Variants in MAP3K3 observed in about 807,000 individuals in gnomAD.
The protein encoded by MAP3K3 is MAP/ERK kinase kinase 3.
Under a neutral mutation model 80.9 loss-of-function variants are expected in MAP3K3, and 12 were observed. The observed-to-expected ratio is 0.15, with a 90% confidence interval of 0.10 to 0.24. The LOEUF is 0.24. Ranked by LOEUF, MAP3K3 falls within the 10% of genes least tolerant of loss-of-function variation. The pLI is 1.00. For missense variants in MAP3K3, 596 were observed against 834.7 expected (o/e 0.71, Z 3.52); for synonymous variants, 272 against 307.1 (o/e 0.89, Z 1.19).
intron 1 of MAP3K3, among the ~76,000 whole-genome samples, chr17:63,627,981 C>T (rs1196679848): frequency 2.0e-5 from 3 of 151,756 alleles, no homozygotes; most frequent in Admixed American, 6.6e-5. Context: ...TCTTGGCTCA[C>T]TGCAACCTCT....
At chr17:63,647,159 C>T (rs976310741) in intron 3 of MAP3K3, among the ~76,000 whole-genome samples, 2 of 152,164 alleles carry the variant, frequency 1.3e-5, no homozygotes, top group African/African-American at 4.8e-5. Flanking sequence ...CATTCACAAG[C>T]CTACAAGGTT....
chr17:63,691,924 C>T lies in MAP3K3; in HGVS notation c.1474+62C>T. On this transcript the variant is annotated intron_variant, in intron 14 of 15. Transcript: ENST00000361733. The surrounding 1 kb of genome is among the most constrained non-coding windows in gnomAD (Gnocchi z 4.8). ...TGGGTTCAAGTCTACCATTGAGTGC[C>T]TGCAGGGGCCAATCACTTAACCATT... The T allele has an allele frequency of 6.4e-7, 1 of 1,551,926 alleles. No individual in the cohort carries two copies. The highest frequency in any genetic ancestry group is 8.8e-7 in the Non-Finnish European group (1 of 1,130,512).
intron 6 of MAP3K3, among the ~76,000 whole-genome samples, chr17:63,676,959 A>G (rs551129170): frequency 2.1e-4 from 32 of 152,368 alleles, no homozygotes; most frequent in Middle Eastern, 6.8e-3. Context: ...GCTTTTAGCC[A>G]GTTAGCTTCT....
At chr17:63,628,897 C>T (rs2034161069) in intron 1 of MAP3K3, among the ~76,000 whole-genome samples, 1 of 152,074 alleles carries the variant, frequency 6.6e-6, no homozygotes, top group Non-Finnish European at 1.5e-5. Flanking sequence ...TAATAATAGC[C>T]AGCATTTTTT....
At chr17:63,655,958 G>A (rs533388703) in intron 4 of MAP3K3, among the ~76,000 whole-genome samples, 10 of 152,196 alleles carry the variant, frequency 6.6e-5, no homozygotes, top group South Asian at 2.1e-4. Context: ...GGCGAGGCGC[G>A]ATGGTTCATG....
At chr17:63,632,907 T>C in intron 2 of MAP3K3, 105 bp downstream of exon 2, 1 of 1,430,522 alleles carries the variant, frequency 7.0e-7, no homozygotes, top group Non-Finnish European at 9.5e-7. Flanking sequence ...GTTGAATGCT[T>C]TTGACCCCTT....
At chr17:63,671,260 CTTTT>C (rs56093750) in intron 6 of MAP3K3, among the ~76,000 whole-genome samples, 1 of 141,158 alleles carries the variant, frequency 7.1e-6, no homozygotes. Context: ...AAATTATTTT[CTTTT>C]TTTTTTTTTT....
chr17:63,675,714 C>T (rs182058711), intron 6 of MAP3K3, among the ~76,000 whole-genome samples: 2 of 152,298 alleles, frequency 1.3e-5, no homozygotes, highest in Non-Finnish European at 2.9e-5. Flanking sequence ...CTACTGTGCT[C>T]CTTTGCTTCA....
In MAP3K3 at chr17:63,693,494, G is replaced by A. The variant is rs565159894; in HGVS notation, c.1653-55G>A. 1 of 1,498,708 alleles carries A rather than the reference G, an allele frequency of 6.7e-7. No homozygotes were observed. 92.8% of individuals were successfully genotyped at this position (1,498,708 alleles called of 1,614,324 possible). ...CGCCTCTTTCTGCAGTGGTGGGCAG[G>A]ACAGCTGGGAGTCCAGGGCTGGCTG... On this transcript the variant is annotated intron_variant, in intron 15 of 15. Transcript: ENST00000361733. The surrounding 1 kb of genome is among the most constrained non-coding windows in gnomAD (Gnocchi z 4.2).
chr17:63,661,741 T>C (rs78369934), intron 5 of MAP3K3, among the ~76,000 whole-genome samples: 5,838 of 152,274 alleles, frequency 0.038, 188 homozygotes, highest in Non-Finnish European at 0.059. Flanking sequence ...CCTTGTAAAA[T>C]AGTGGGACAG....
intron 5 of MAP3K3, among the ~76,000 whole-genome samples, chr17:63,660,058 A>T (rs531278794): frequency 1.4e-4 from 22 of 152,182 alleles, no homozygotes; most frequent in Non-Finnish European, 2.6e-4. Flanking sequence ...CCCAGATATC[A>T]TACCTTAAGT....
rs1025355201 is a variant in MAP3K3 at position 63,666,852 on chromosome 17, C to T, written c.382-88C>T. 6 of 1,478,142 alleles carry T rather than the reference C, an allele frequency of 4.1e-6. No homozygotes were observed. In the African/African-American group the frequency reaches 8.5e-5, roughly 21 times the overall value. The allele number at this position is 1,478,142 out of a possible 1,614,324, so 91.6% of individuals were successfully genotyped here. ...AAAAGCATGAAGGTGGCTGAGCCTG[C>T]AGGGAGTCCTTAGGAAAAGGGTGAG... On this transcript the variant is annotated intron_variant, in intron 5 of 15. Transcript: ENST00000361733.
chr17:63,679,355 A>T (rs191076010), intron 6 of MAP3K3, among the ~76,000 whole-genome samples: 5 of 151,986 alleles, frequency 3.3e-5, no homozygotes, highest in Admixed American at 1.3e-4. Flanking sequence ...TGTCAGGCCC[A>T]CCCTCTTTTC....
In MAP3K3 at chr17:63,664,108, G is replaced by A. The variant is rs781191575; in HGVS notation, c.382-2832G>A. 2.0e-4 allele frequency among the ~76,000 whole-genome samples: 30 copies of A among 151,696 alleles called. 1 individual carries two copies. Among genetic ancestry groups the A allele is most frequent in the South Asian group, 1.0e-3 (5 of 4,812 alleles). The stretch of plus-strand genomic sequence containing the variant: ...ATACAAAAAAAAAAAATAGCCGGGC[G>A]TGGTAGCGGGCGCCTGTAGTCCCAG... On this transcript the variant is annotated intron_variant, in intron 5 of 15. Transcript: ENST00000361733.
Position 63,637,068 on chromosome 17 carries a change from A to C in MAP3K3, c.126+4266A>C. The C allele has an allele frequency of 2.4e-5, 12 of 499,504 alleles. No individual in the cohort carries two copies. The South Asian group carries it at 2.6e-4, about 11-fold the overall frequency. 30.9% of individuals were successfully genotyped at this position (499,504 alleles called of 1,614,324 possible). A position where few individuals can be genotyped will look rare whatever the true frequency, so the allele number is the denominator to read the frequency against. ...CTGGAAGAGGAGATTACCAAGTTTG[A>C]GAGCGTGTGTAGAGTGTCGATGTTG... On this transcript the variant is annotated intron_variant, in intron 2 of 15. Transcript: ENST00000361733.
At chr17:63,687,676 C>T (rs530925524) in intron 8 of MAP3K3, among the ~76,000 whole-genome samples, 8 of 148,730 alleles carry the variant, frequency 5.4e-5, no homozygotes, top group African/African-American at 1.5e-4. Flanking sequence ...GGCGACAGAG[C>T]GAGACTCCAT....
chr17:63,690,054 C>T (rs1598123900), intron 11 of MAP3K3: 1 of 610,850 alleles, frequency 1.6e-6, no homozygotes. Flanking sequence ...ACCATGACTT[C>T]AGCCAATCCT....
At chr17:63,625,639 G>C (rs2034085306) in intron 1 of MAP3K3, among the ~76,000 whole-genome samples, 1 of 152,156 alleles carries the variant, frequency 6.6e-6, no homozygotes, top group Admixed American at 6.5e-5. Flanking sequence ...ATTCAGTTTG[G>C]CTAGAATCTG....
intron 2 of MAP3K3, among the ~76,000 whole-genome samples, chr17:63,638,576 G>A (rs532984860): frequency 1.3e-5 from 2 of 152,262 alleles, no homozygotes; most frequent in South Asian, 4.1e-4. Flanking sequence ...CCGACAGCCC[G>A]CACTGTCTCT....
Sources: gnomAD v4.1 joint callset for allele counts (sites outside exome capture counted in the v4.1 genomes callset) on GRCh38, gnomAD v4.1.1 for gene constraint, Gnocchi (gnomAD v3.1) non-coding constraint, MANE v1.5 for transcripts, NCBI Gene and HGNC (gene_info 2026-07-23, HGNC 2026-07-21) for gene names.